ME3: variants seen among roughly 807,000 people sequenced by gnomAD.
ME3 encodes the protein NADP-dependent malic enzyme, mitochondrial.
In ME3, 48 loss-of-function variants were observed where a neutral mutation model predicts 68.9. The observed-to-expected ratio is 0.70, with a 90% CI of 0.55 to 0.89. The LOEUF (loss-of-function observed/expected upper bound fraction) is 0.89, where lower values mean the gene tolerates loss of function less well. ME3 is among the 40% of genes least tolerant of loss of function. The pLI, the probability that ME3 is intolerant of heterozygous loss-of-function variation, is 0.00. For missense variants in ME3, 675 were observed against 797.4 expected (o/e 0.85, Z 1.85); for synonymous variants, 320 against 318.8 (o/e 1.00, Z -0.04).
In ME3 at chr11:86,618,299, CAAAAAAAAAAAAAAAA is replaced by C. The variant is rs55824426; in HGVS notation, c.183+53447_183+53462del. Among the ~76,000 whole-genome samples, 305 of 55,954 alleles carry C rather than the reference CAAAAAAAAAAAAAAAA, an allele frequency of 5.5e-3. 4 individuals are homozygous for C. The highest frequency in any genetic ancestry group is 0.021 in the African/African-American group (296 of 14,156). The allele number at this position is 55,954 out of a possible 152,430, so 36.7% of individuals were successfully genotyped here. Reference sequence around the variant, plus strand: ...TGGGCGACAGAGCAAGGCTCTGTCTCAAAAAAAAAAAAAAAAAAAAAAAAAAAAAAGTAGGATCATA... The same window carrying C: ...TGGGCGACAGAGCAAGGCTCTGTCTCAAAAAAAAAAAAAAGTAGGATCATA... On this transcript the variant is annotated intron_variant, in intron 2 of 14. Coordinates refer to ENST00000543262, the Ensembl canonical transcript of ME3.
chr11:86,636,549 A>C (rs1483861202), intron 2 of ME3, among the ~76,000 whole-genome samples: 3 of 152,174 alleles, frequency 2.0e-5, no homozygotes, highest in Non-Finnish European at 4.4e-5. Context: ...GACAGCCTGC[A>C]GGGCATGCAT....
intron 5 of ME3, among the ~76,000 whole-genome samples, chr11:86,498,984 T>C (rs1200634256): frequency 6.6e-6 from 1 of 152,018 alleles, no homozygotes; most frequent in Admixed American, 6.6e-5. Flanking sequence ...AGAGATGGAA[T>C]GTATATATTA....
chr11:86,476,701 C>G (rs1951099288), intron 7 of ME3, among the ~76,000 whole-genome samples: 1 of 152,174 alleles, frequency 6.6e-6, no homozygotes, highest in African/African-American at 2.4e-5. Context: ...ACACCGTCCA[C>G]TGGAGGAGGG....
rs140220386 is a variant in ME3, at chr11:86,515,671, C to T, written c.468-6804G>A. ...CTGAAGGGGGTGCTAAAGTGAGCCTCCCTGAGATCCCGCTGATATGGTTTC... is the reference window on the plus strand; with the variant it reads ...CTGAAGGGGGTGCTAAAGTGAGCCTTCCTGAGATCCCGCTGATATGGTTTC... On this transcript the variant is annotated intron_variant, in intron 4 of 14. Transcript: ENST00000543262. Among the ~76,000 whole-genome samples, 441 of 152,282 alleles carry T rather than the reference C, an allele frequency of 2.9e-3. 2 individuals carry two copies. The highest frequency in any genetic ancestry group is 9.6e-3 in the African/African-American group (401 of 41,560).
chr11:86,485,278 C>G (rs1282078197), intron 7 of ME3, among the ~76,000 whole-genome samples: 2 of 152,218 alleles, frequency 1.3e-5, no homozygotes, highest in African/African-American at 2.4e-5. Flanking sequence ...TTCTCTCTAC[C>G]AGGCTCAGCT....
chr11:86,576,199 C>A (rs1357941391), intron 2 of ME3, among the ~76,000 whole-genome samples: 3 of 152,132 alleles, frequency 2.0e-5, no homozygotes, highest in Non-Finnish European at 4.4e-5. Context: ...GATTAATTCT[C>A]TGTGAGAAGC....
intron 2 of ME3, among the ~76,000 whole-genome samples, chr11:86,618,530 C>T (rs1055227145): frequency 6.6e-6 from 1 of 152,052 alleles, no homozygotes; most frequent in African/African-American, 2.4e-5. Flanking sequence ...TAAACATACA[C>T]AGCCTTGAAG....
At chr11:86,513,793 A>C (rs1433531121) in intron 4 of ME3, among the ~76,000 whole-genome samples, 2 of 152,170 alleles carry the variant, frequency 1.3e-5, no homozygotes, top group Non-Finnish European at 2.9e-5. Context: ...AGCTCAGAGA[A>C]GATATAGTAC....
chr11:86,607,201 C>T (rs1961797624), intron 2 of ME3, among the ~76,000 whole-genome samples: 1 of 152,162 alleles, frequency 6.6e-6, no homozygotes, highest in Non-Finnish European at 1.5e-5. Flanking sequence ...TCTGTTCTCT[C>T]CTCTGAGTGA....
intron 2 of ME3, among the ~76,000 whole-genome samples, chr11:86,626,086 G>A (rs1488394310): frequency 1.3e-5 from 2 of 152,120 alleles, no homozygotes; most frequent in Admixed American, 1.3e-4. Context: ...ACTACATCAC[G>A]AAGTTCAGAG....
rs537326875 is a variant in ME3, at chr11:86,662,875, G to A, written c.183+8887C>T. 5.3e-5 allele frequency among the ~76,000 whole-genome samples: 8 copies of A among 152,238 alleles called. No homozygotes were observed. In the South Asian group the frequency reaches 1.7e-3, roughly 32 times the overall value. On this transcript the variant is annotated intron_variant, in intron 2 of 14. Coordinates refer to ENST00000543262, the Ensembl canonical transcript of ME3. ...GAATGCAGAATGTCTATTTTGACTG[G>A]AACCCTAGCTCCACTGTACACTTGG...
intron 2 of ME3, among the ~76,000 whole-genome samples, chr11:86,575,722 T>G (rs987284945): frequency 6.6e-6 from 1 of 152,226 alleles, no homozygotes; most frequent in African/African-American, 2.4e-5. Context: ...GCCTTGCAAC[T>G]ATCTATTTGT....
chr11:86,527,884 C>G (rs1256964599), intron 4 of ME3, among the ~76,000 whole-genome samples: 1 of 152,218 alleles, frequency 6.6e-6, no homozygotes, highest in African/African-American at 2.4e-5. Context: ...ACAACCAGTA[C>G]TAGCCACTGC....
At chr11:86,671,896 G>C (rs773881850) in exon 2 of ME3, 2 of 1,478,516 alleles carry the variant, frequency 1.4e-6, no homozygotes, top group South Asian at 1.4e-5. Flanking sequence ...CCGCAGGCCC[G>C]GCCCGGCCAG....
chr11:86,454,818 A>G (rs1949826144), intron 8 of ME3, among the ~76,000 whole-genome samples: 1 of 152,208 alleles, frequency 6.6e-6, no homozygotes, highest in Non-Finnish European at 1.5e-5. Context: ...CAAAATACTA[A>G]TGGTTGCAGG....
intron 8 of ME3, among the ~76,000 whole-genome samples, chr11:86,453,843 C>T (rs1949772372): frequency 6.6e-6 from 1 of 152,194 alleles, no homozygotes; most frequent in East Asian, 1.9e-4. Flanking sequence ...AGTCTCATAG[C>T]TGCCACTCAG....
rs369517788 is a variant in ME3, at chr11:86,599,097, C to T, written c.184-39274G>A. Among the ~76,000 whole-genome samples, 68 of 152,318 alleles carry T rather than the reference C, an allele frequency of 4.5e-4. 1 individual carries two copies. The highest frequency in any genetic ancestry group is 2.9e-3 in the East Asian group (15 of 5,190). ...TCACCAGCAGCGGAACAAAGCTGGA[C>T]GGAGAATGACTTTGACGAGTTGAGA... On this transcript the variant is annotated intron_variant, in intron 2 of 14. Coordinates refer to ENST00000543262, the Ensembl canonical transcript of ME3.
intron 2 of ME3, among the ~76,000 whole-genome samples, chr11:86,563,676 G>A (rs773035484): frequency 3.9e-5 from 6 of 152,130 alleles, no homozygotes; most frequent in Non-Finnish European, 8.8e-5. Flanking sequence ...TGGCTAGCCA[G>A]TTATCCCAGC....
Position 86,442,930 on chromosome 11 carries a change from G to A in ME3, c.1555-11C>T. The A allele has an allele frequency of 1.3e-6, 2 of 1,598,744 alleles. No homozygotes were observed. The highest frequency in any genetic ancestry group is 2.2e-5 in the South Asian group (2 of 90,562). ...TTCCTGGGCAATTTGCTGGGGAGAA[G>A]GAGAGAACCGAGAGGAATAAGCTGA... On this transcript the variant is annotated splice_polypyrimidine_tract_variant and intron_variant, in intron 13 of 14. Transcript: ENST00000543262.
Sources: gnomAD v4.1 joint callset for allele counts (sites outside exome capture counted in the v4.1 genomes callset) on GRCh38, gnomAD v4.1.1 for gene constraint, MANE v1.5 for transcripts, NCBI Gene and HGNC (gene_info 2026-07-23, HGNC 2026-07-21) for gene names.